The following POLR3A variants were observed in gnomAD, a reference collection of about 807,000 sequenced individuals.
The protein encoded by POLR3A is DNA-directed RNA polymerase III subunit RPC1.
Under a neutral mutation model 152.8 loss-of-function variants are expected in POLR3A, and 112 were observed. The observed-to-expected ratio is 0.73, with a 90% CI of 0.63 to 0.86. The LOEUF is 0.86. Among genes scored for constraint, POLR3A ranks in the 40% least tolerant of loss-of-function variants. The probability of loss-of-function intolerance (pLI) is 0.00; values close to 1 mark genes in which losing one functional copy is unlikely to be tolerated. For missense variants in POLR3A, 1,385 were observed against 1,743.1 expected (o/e 0.79, Z 3.66); for synonymous variants, 615 against 652.1 (o/e 0.94, Z 0.87).
In POLR3A at chr10:78,001,025, G is replaced by A. The variant is rs1452220975; in HGVS notation, c.2429C>T (p.Pro810Leu). The A allele has an allele frequency of 6.2e-7, 1 of 1,612,100 alleles. No homozygotes were observed. Among genetic ancestry groups the A allele is most frequent in the South Asian group, 1.1e-5 (1 of 91,026 alleles). ...CAAGGACCTGTTTTCAAAGCCGTCTGGCACTCGAGAGCCACTGATGGCCTG... is the reference window on the plus strand; with the variant it reads ...CAAGGACCTGTTTTCAAAGCCGTCTAGCACTCGAGAGCCACTGATGGCCTG... Reference protein sequence around the residue: ...GQQAISGSRVPDGFENRSLPH... With the variant: ...GQQAISGSRVLDGFENRSLPH... Residue 810 changes from proline (P) to leucine (L), a missense_variant, in exon 18 of 31, where the codon CCA becomes CTA. Transcript: ENST00000372371.
chr10:78,014,152 A>G (rs142039488), intron 10 of POLR3A, among the ~76,000 whole-genome samples: 2,414 of 151,418 alleles, frequency 0.016, 79 homozygotes, highest in African/African-American at 0.056. Context: ...GCGAGACTCC[A>G]TCTCAAAAAA....
chr10:78,029,469 C>CAGGAGGTGCTGGGGG lies in POLR3A; in HGVS notation c.-63_-62insCCCCCAGCACCTCCT. On this transcript the variant is annotated 5_prime_UTR_variant, in exon 1 of 31. Coordinates refer to ENST00000372371, the MANE Select transcript of POLR3A (RefSeq NM_007055.4). Reference sequence around the variant, plus strand: ...AGGCCAGATTAGAGAAACGATGCCCCCAGCACCTCCTGGGGCTGCTTCTGG... The same window carrying CAGGAGGTGCTGGGGG: ...AGGCCAGATTAGAGAAACGATGCCCCAGGAGGTGCTGGGGGCAGCACCTCCTGGGGCTGCTTCTGG... The CAGGAGGTGCTGGGGG allele has an allele frequency of 1.3e-6, 2 of 1,560,840 alleles. No individual in the cohort carries two copies. Among genetic ancestry groups the CAGGAGGTGCTGGGGG allele is most frequent in the Non-Finnish European group, 1.8e-6 (2 of 1,133,150 alleles).
At chr10:77,992,706 T>A (rs530479252) in intron 20 of POLR3A, among the ~76,000 whole-genome samples, 7 of 152,072 alleles carry the variant, frequency 4.6e-5, no homozygotes, top group Non-Finnish European at 1.0e-4. Flanking sequence ...GCTAATTCTT[T>A]AAAAAATATT....
intron 19 of POLR3A, among the ~76,000 whole-genome samples, chr10:77,998,886 G>A (rs1487438706): frequency 6.6e-6 from 1 of 152,172 alleles, no homozygotes; most frequent in Non-Finnish European, 1.5e-5. Context: ...CAATAGCAAA[G>A]ACTTGGAACC....
At chr10:78,017,155 G>A (rs1180961257) in intron 10 of POLR3A, among the ~76,000 whole-genome samples, 1 of 151,912 alleles carries the variant, frequency 6.6e-6, no homozygotes, top group East Asian at 2.0e-4. Context: ...CCAGCTGTAG[G>A]GGCTACTCAC....
chr10:78,013,885 T>C, intron 10 of POLR3A, 95 bp from the exon 11 acceptor site: 1 of 1,377,666 alleles, frequency 7.3e-7, no homozygotes, highest in Non-Finnish European at 1.0e-6. Flanking sequence ...CTTCCTGGAA[T>C]ACTGGGCACT....
At chr10:77,979,235 T>C (rs1163948014) in intron 30 of POLR3A, among the ~76,000 whole-genome samples, 5 of 152,176 alleles carry the variant, frequency 3.3e-5, no homozygotes. Flanking sequence ...ATGATGCCAA[T>C]CTGTACAAGA....
At chr10:77,987,665 C>T (rs1194676097) in intron 21 of POLR3A, among the ~76,000 whole-genome samples, 3 of 152,194 alleles carry the variant, frequency 2.0e-5, no homozygotes, top group African/African-American at 4.8e-5. Context: ...ACTTCCTAGC[C>T]CCATTCTATC....
rs150991159 is a variant in POLR3A at position 78,012,919 on chromosome 10, G to C, written c.1572+731C>G. Among the ~76,000 whole-genome samples, 736 of 152,078 alleles carry C rather than the reference G, an allele frequency of 4.8e-3. 5 individuals carry two copies. Among genetic ancestry groups the C allele is most frequent in the African/African-American group, 0.015 (611 of 41,504 alleles). On this transcript the variant is annotated intron_variant, in intron 11 of 30. Coordinates refer to ENST00000372371, the MANE Select transcript of POLR3A (RefSeq NM_007055.4). ...GTAGTTTTCGTAGAGATGGAGTTTCGCCATGTTGTCCGGGCTGGTCTTGAA... is the reference window on the plus strand; with the variant it reads ...GTAGTTTTCGTAGAGATGGAGTTTCCCCATGTTGTCCGGGCTGGTCTTGAA...
chr10:77,994,543 C>A (rs1466756631), intron 19 of POLR3A, among the ~76,000 whole-genome samples: 2 of 147,456 alleles, frequency 1.4e-5, no homozygotes, highest in Non-Finnish European at 3.0e-5. Flanking sequence ...ATGCGATCAA[C>A]TGGAAGAAAG....
intron 13 of POLR3A, 32 bp downstream of exon 13, chr10:78,009,832 C>T (rs1396985433): frequency 6.2e-7 from 1 of 1,612,816 alleles, no homozygotes; most frequent in Admixed American, 1.7e-5. Context: ...CATACACACA[C>T]CTGTGCACCA....
At position 78,017,743 on chromosome 10, in the gene POLR3A, T is replaced by C. The variant is rs761462180; in HGVS notation, c.1290-27A>G. Reference sequence around the variant, plus strand: ...TGAATGTGCAACAATAAACATGATCTGTGAAAGCAAAGTTCTCTCACCAAG... The same window carrying C: ...TGAATGTGCAACAATAAACATGATCCGTGAAAGCAAAGTTCTCTCACCAAG... On this transcript the variant is annotated intron_variant, in intron 9 of 30. Coordinates refer to ENST00000372371, the MANE Select transcript of POLR3A (RefSeq NM_007055.4). 10 of 1,613,664 alleles carry C rather than the reference T, an allele frequency of 6.2e-6. No individual in the cohort carries two copies. In the East Asian group the frequency reaches 2.0e-4, roughly 32 times the overall value.
intron 10 of POLR3A, among the ~76,000 whole-genome samples, chr10:78,015,667 G>T (rs867215606): frequency 4.6e-5 from 7 of 151,966 alleles, no homozygotes; most frequent in African/African-American, 1.7e-4. Context: ...TTTTTTTAGA[G>T]ACAGGGTCTC....
At position 78,019,572 on chromosome 10, in the gene POLR3A, C is replaced by T. The variant is rs575421740; in HGVS notation, c.1186-307G>A. 29 of 416,048 alleles carry T rather than the reference C, an allele frequency of 7.0e-5. No homozygotes were observed. In the South Asian group the frequency reaches 7.1e-4, roughly 10 times the overall value. 25.8% of individuals were successfully genotyped at this position (416,048 alleles called of 1,614,324 possible). A position where few individuals can be genotyped will look rare whatever the true frequency, so the allele number is the denominator to read the frequency against. On this transcript the variant is annotated intron_variant, in intron 8 of 30. Coordinates refer to ENST00000372371, the MANE Select transcript of POLR3A (RefSeq NM_007055.4). Reference sequence around the variant, plus strand: ...TGATCTATAGGAACCTTCTGTGATCCTAGAAACAGGTGGCGACTTGATCTG... The same window carrying T: ...TGATCTATAGGAACCTTCTGTGATCTTAGAAACAGGTGGCGACTTGATCTG...
intron 14 of POLR3A, among the ~76,000 whole-genome samples, chr10:78,008,849 G>GA (rs57285474): frequency 0.04 from 4,801 of 118,928 alleles, 136 homozygotes; most frequent in African/African-American, 0.092. Context: ...GTTTGTCTTT[G>GA]AAAAAAAAAA....
intron 28 of POLR3A, among the ~76,000 whole-genome samples, 175 bp from the exon 29 acceptor site, chr10:77,981,734 A>G (rs1847144643): frequency 1.3e-5 from 2 of 152,052 alleles, no homozygotes; most frequent in South Asian, 4.2e-4. Flanking sequence ...TCAGAGAAGT[A>G]TGCTGGGAGG....
chr10:77,991,201 G>A (rs985198268), intron 20 of POLR3A, 34 bp from the exon 21 acceptor site: 2 of 1,245,442 alleles, frequency 1.6e-6, no homozygotes, highest in East Asian at 4.6e-5. Context: ...ATTATGTGTG[G>A]GTGCCACAGA....
At chr10:77,982,991 T>C (rs992351568) in intron 26 of POLR3A, among the ~76,000 whole-genome samples, 174 bp from the exon 27 acceptor site, 1 of 152,218 alleles carries the variant, frequency 6.6e-6, no homozygotes, top group Non-Finnish European at 1.5e-5. Context: ...TATGTGTATA[T>C]ATATCTATGC....
At chr10:77,980,055 T>G (rs1847125256) in intron 30 of POLR3A, 86 bp downstream of exon 30, 1 of 1,312,804 alleles carries the variant, frequency 7.6e-7, no homozygotes, top group South Asian at 1.2e-5. Context: ...GCCACTCAGT[T>G]TTTTTCATTC....
Sources: allele counts gnomAD v4.1 joint callset (sites outside exome capture counted in the v4.1 genomes callset), GRCh38; gene constraint gnomAD v4.1.1; transcripts MANE v1.5; gene names NCBI Gene and HGNC (gene_info 2026-07-23, HGNC 2026-07-21).